The following PRDM2 variants were observed in gnomAD, a reference collection of about 807,000 sequenced individuals.
PRDM2 encodes the protein PR domain zinc finger protein 2.
A neutral mutation model predicts 130.0 loss-of-function variants in PRDM2; 30 were observed. The ratio of observed to expected loss-of-function variants is 0.23; its 90% CI spans 0.17 to 0.31. The LOEUF (loss-of-function observed/expected upper bound fraction) is 0.31, where lower values mean the gene tolerates loss of function less well. Ranked by LOEUF, PRDM2 falls within the 10% of genes least tolerant of loss-of-function variation. The probability of loss-of-function intolerance (pLI) is 1.00; values close to 1 mark genes in which losing one functional copy is unlikely to be tolerated. For synonymous variants in PRDM2, 871 were observed against 782.4 expected, an observed-to-expected ratio of 1.11 and a Z score of -1.89; for missense variants, 2,011 against 2,108.4, an observed-to-expected ratio of 0.95 and a Z score of 0.90.
At position 13,823,231 on chromosome 1, in the gene PRDM2, C is replaced by T. The variant is rs745739321; in HGVS notation, c.*96C>T. ...GCCCTGCAGGGAGTACCGACCTATC[C>T]CAGTTGTGTGAGGCTGCGAGAGAAA... On this transcript the variant is annotated 3_prime_UTR_variant, in exon 10 of 10. Transcript: ENST00000311066. 4.4e-6 allele frequency: 7 copies of T among 1,599,824 alleles called. No homozygotes were observed. The highest frequency in any genetic ancestry group is 6.0e-6 in the Non-Finnish European group (7 of 1,167,886).
chr1:13,778,518 C>T lies in PRDM2; in HGVS notation c.723C>T (p.Thr241=), dbSNP rs748036857. ...ASQEVPPELA[T]PAPAWEPQPE... The stretch of plus-strand genomic sequence containing the variant: ...AGGAGGTGCCTCCAGAACTAGCAAC[C>T]CCTGCCCCTGCCTGGGAGCCACAGC... Residue 241 remains threonine (T), a synonymous_variant, in exon 8 of 10, where the codon ACC becomes ACT. Transcript: ENST00000311066. 2 of 1,614,124 alleles carry T rather than the reference C, an allele frequency of 1.2e-6. No individual in the cohort carries two copies. Among genetic ancestry groups the T allele is most frequent in the Non-Finnish European group, 1.7e-6 (2 of 1,180,034 alleles).
At chr1:13,801,908 C>T (rs1448332771) in intron 8 of PRDM2, among the ~76,000 whole-genome samples, 1 of 152,156 alleles carries the variant, frequency 6.6e-6, no homozygotes, top group Non-Finnish European at 1.5e-5. Context: ...AGTTCTCAAA[C>T]TAAATGGAGT....
At chr1:13,735,633 T>G (rs549487597) in intron 4 of PRDM2, among the ~76,000 whole-genome samples, 8 of 152,330 alleles carry the variant, frequency 5.3e-5, no homozygotes, top group Admixed American at 5.2e-4. Context: ...AAATACTCGC[T>G]GTCCCCACAC....
chr1:13,780,636 A>G lies in PRDM2; in HGVS notation c.2841A>G (p.Ser947=), dbSNP rs766181324. Residue 947 remains serine (S), a synonymous_variant, in exon 8 of 10, where the codon TCA becomes TCG. Coordinates refer to ENST00000311066, the MANE Select transcript of PRDM2 (RefSeq NM_001393986.1). ...AGTCCACACCTGATGTTTGTCCTTC[A>G]TCACCTGCCCTGCAGACACCCTCCC... ...TVESTPDVCP[S]SPALQTPSLS... 3.0e-5 allele frequency: 48 copies of G among 1,613,464 alleles called. No homozygotes were observed. The Admixed American group carries it at 6.8e-4, about 23-fold the overall frequency.
chr1:13,816,373 A>G (rs1299923969), intron 8 of PRDM2, 54 bp from the exon 9 acceptor site: 19 of 1,603,008 alleles, frequency 1.2e-5, no homozygotes, highest in African/African-American at 1.1e-4. Flanking sequence ...AGCAATGTCT[A>G]GGGCACCGGG....
intron 7 of PRDM2, among the ~76,000 whole-genome samples, chr1:13,777,179 C>T (rs1557643339): frequency 1.3e-5 from 2 of 152,066 alleles, no homozygotes; most frequent in Non-Finnish European, 2.9e-5. Flanking sequence ...CTCACCACAG[C>T]CAGTCAGCAG....
At chr1:13,817,162 G>A (rs918145528) in intron 9 of PRDM2, among the ~76,000 whole-genome samples, 2 of 152,124 alleles carry the variant, frequency 1.3e-5, no homozygotes, top group Non-Finnish European at 2.9e-5. Context: ...AAATACACTC[G>A]AAGGAAATGC....
chr1:13,780,611 A>C lies in PRDM2; in HGVS notation c.2816A>C (p.Glu939Ala). ...TCTGGTTTCCCTGCCCCTACTGTTG[A>C]GTCCACACCTGATGTTTGTCCTTCA... ...PGSGFPAPTVESTPDVCPSSP... is the reference protein window; with the variant it reads ...PGSGFPAPTVASTPDVCPSSP... The change falls in exon 8 of 10, where the codon GAG becomes GCG. Residue 939 changes from glutamate to alanine, a missense_variant. Transcript: ENST00000311066. 6.2e-7 allele frequency: 1 copy of C among 1,613,952 alleles called. No individual in the cohort carries two copies.
intron 8 of PRDM2, among the ~76,000 whole-genome samples, chr1:13,788,507 A>C (rs1452926803): frequency 6.6e-6 from 1 of 152,234 alleles, no homozygotes; most frequent in African/African-American, 2.4e-5. Flanking sequence ...ATGGCTGACT[A>C]TAAGCGGTTT....
At chr1:13,705,260 A>G (rs1179988269) in intron 1 of PRDM2, 1 of 152,182 alleles carries the variant, frequency 6.6e-6, no homozygotes, top group East Asian at 1.9e-4. Flanking sequence ...TGAGATGAAT[A>G]AAGAATAGGC....
At chr1:13,759,566 T>G (rs1302655804) in intron 6 of PRDM2, among the ~76,000 whole-genome samples, 1 of 152,198 alleles carries the variant, frequency 6.6e-6, no homozygotes, top group Non-Finnish European at 1.5e-5. Flanking sequence ...AAGCAGAATG[T>G]CTAAGGGCCT....
chr1:13,708,963 C>T (rs1323716048), intron 1 of PRDM2, among the ~76,000 whole-genome samples: 1 of 152,012 alleles, frequency 6.6e-6, no homozygotes, highest in Non-Finnish European at 1.5e-5. Flanking sequence ...ACTTTAATAC[C>T]AAGGTTGGGG....
intron 6 of PRDM2, among the ~76,000 whole-genome samples, chr1:13,757,122 A>C (rs1643975439): frequency 6.6e-6 from 1 of 152,246 alleles, no homozygotes; most frequent in Non-Finnish European, 1.5e-5. Flanking sequence ...TGATTAAGTG[A>C]AGTGTTTGGT....
At chr1:13,817,888 T>C (rs1490472787) in intron 9 of PRDM2, among the ~76,000 whole-genome samples, 1 of 151,946 alleles carries the variant, frequency 6.6e-6, no homozygotes, top group Non-Finnish European at 1.5e-5. Flanking sequence ...TAGTCGCAAC[T>C]ACTCAGGAGG....
At chr1:13,738,826 C>T (rs1643349940) in intron 4 of PRDM2, 1 of 152,058 alleles carries the variant, frequency 6.6e-6, no homozygotes, top group African/African-American at 2.4e-5. Context: ...CCGTTTTTGT[C>T]TGTAGTCACC....
intron 8 of PRDM2, among the ~76,000 whole-genome samples, chr1:13,796,808 A>C (rs1410980959): frequency 6.6e-6 from 1 of 152,232 alleles, no homozygotes; most frequent in Admixed American, 6.5e-5. Context: ...TGTGCTGGTA[A>C]GTGATGTTGC....
At chr1:13,766,697 C>T (rs376823402) in intron 6 of PRDM2, among the ~76,000 whole-genome samples, 10 of 152,310 alleles carry the variant, frequency 6.6e-5, no homozygotes, top group East Asian at 3.9e-4. Flanking sequence ...AAGTGAAGAT[C>T]GGATGGACCT....
At chr1:13,801,923 G>C (rs1303895227) in intron 8 of PRDM2, among the ~76,000 whole-genome samples, 1 of 152,182 alleles carries the variant, frequency 6.6e-6, no homozygotes, top group Non-Finnish European at 1.5e-5. Flanking sequence ...TGGAGTGCAG[G>C]ATCCTGGGAA....
chr1:13,774,765 A>G (rs958100123), intron 7 of PRDM2, among the ~76,000 whole-genome samples: 1 of 152,130 alleles, frequency 6.6e-6, no homozygotes, highest in African/African-American at 2.4e-5. Context: ...TCACAAGGTC[A>G]GGAGATCGAG....
Sources: gnomAD v4.1 joint callset for allele counts (sites outside exome capture counted in the v4.1 genomes callset) on GRCh38, gnomAD v4.1.1 for gene constraint, MANE v1.5 for transcripts, NCBI Gene and HGNC (gene_info 2026-07-23, HGNC 2026-07-21) for gene names.